The following MCTP1 variants were observed in gnomAD, a reference collection of about 807,000 sequenced individuals.
MCTP1 encodes multiple C2 and transmembrane domain containing 1, also known as multiple C2 and transmembrane domain-containing protein 1.
Under a neutral mutation model 120.6 loss-of-function variants are expected in MCTP1, and 69 were observed. The ratio of observed to expected loss-of-function variants is 0.57; its 90% CI spans 0.47 to 0.70. The LOEUF (loss-of-function observed/expected upper bound fraction) is 0.70. Among genes scored for constraint, MCTP1 ranks in the 30% least tolerant of loss-of-function variants. MCTP1 has a pLI of 0.00. For synonymous variants in MCTP1, 529 were observed against 493.1 expected (o/e 1.07, Z -0.96); for missense variants, 1,203 against 1,248.8 (o/e 0.96, Z 0.55).
In MCTP1 at chr5:95,024,296, T is replaced by A. The variant is rs1415013932; in HGVS notation, c.721-6812A>T. ...TTGTATAAAGAGTGAGATAAGAGTC[T>A]AAAAACGATATGGCATATCAATAAA... On this transcript the variant is annotated intron_variant, in intron 1 of 22. Coordinates refer to ENST00000515393, the MANE Select transcript of MCTP1 (RefSeq NM_024717.7). Among the ~76,000 whole-genome samples, 9 of 152,248 alleles carry A rather than the reference T, an allele frequency of 5.9e-5. No homozygotes were observed. The East Asian group carries it at 1.7e-3, about 29-fold the overall frequency.
intron 11 of MCTP1, among the ~76,000 whole-genome samples, 183 bp downstream of exon 11, chr5:94,894,466 A>C (rs1304663556): frequency 2.0e-5 from 3 of 152,234 alleles, no homozygotes; most frequent in Non-Finnish European, 4.4e-5. Flanking sequence ...GTCTCTAGAC[A>C]TGGGTGGGTA....
At chr5:94,987,730 A>C (rs1202123728) in intron 2 of MCTP1, among the ~76,000 whole-genome samples, 4 of 152,200 alleles carry the variant, frequency 2.6e-5, no homozygotes, top group African/African-American at 9.7e-5. Flanking sequence ...GTACATAGAA[A>C]ATAATATCTT....
At chr5:95,200,175 A>C (rs1355626349) in intron 1 of MCTP1, among the ~76,000 whole-genome samples, 2 of 151,246 alleles carry the variant, frequency 1.3e-5, no homozygotes. Flanking sequence ...AAAAAAAAAG[A>C]AAAAGAGAAA....
intron 19 of MCTP1, among the ~76,000 whole-genome samples, chr5:94,745,267 G>C (rs549481686): frequency 6.6e-6 from 1 of 152,272 alleles, no homozygotes; most frequent in South Asian, 2.1e-4. Context: ...TAATGTTCTG[G>C]GTGGAGATTC....
intron 1 of MCTP1, among the ~76,000 whole-genome samples, chr5:95,196,310 A>G (rs1750390779): frequency 6.6e-6 from 1 of 152,224 alleles, no homozygotes; most frequent in Admixed American, 6.5e-5. Flanking sequence ...GCATGCAGAT[A>G]TTAAAATTAA....
chr5:94,912,711 A>G (rs1809057152), intron 9 of MCTP1, 95 bp downstream of exon 9: 1 of 988,688 alleles, frequency 1.0e-6, no homozygotes. Flanking sequence ...TTAAGCATTT[A>G]AAACATTATC....
At chr5:95,006,001 C>G (rs1384815844) in intron 2 of MCTP1, among the ~76,000 whole-genome samples, 4 of 152,114 alleles carry the variant, frequency 2.6e-5, no homozygotes, top group Non-Finnish European at 5.9e-5. Flanking sequence ...CCCACTCTCA[C>G]AAAGACTGAG....
intron 1 of MCTP1, among the ~76,000 whole-genome samples, chr5:95,242,262 AAG>A (rs1300693766): frequency 1.3e-5 from 2 of 152,144 alleles, no homozygotes; most frequent in African/African-American, 4.8e-5. Context: ...GATTACTAAA[AAG>A]AGAGAAATAA....
chr5:94,782,871 A>G (rs982301984), intron 18 of MCTP1, among the ~76,000 whole-genome samples: 2 of 152,140 alleles, frequency 1.3e-5, no homozygotes, highest in Non-Finnish European at 2.9e-5. Context: ...GAAAAGATAC[A>G]TTTACGAAGT....
rs373952973 is a variant in MCTP1 at position 94,757,380 on chromosome 5, T to C, written c.2610+21730A>G. Among the ~76,000 whole-genome samples, 79 of 152,234 alleles carry C rather than the reference T, an allele frequency of 5.2e-4. 1 individual carries two copies. In the South Asian group the frequency reaches 0.016, roughly 31 times the overall value. On this transcript the variant is annotated intron_variant, in intron 19 of 22. Transcript: ENST00000515393. ...AGAGGAAGGTGCAAAGTAAGAAATA[T>C]CACAACAGCAAAGTCAATAGAATTT...
At chr5:94,895,910 A>C (rs2153406913) in intron 10 of MCTP1, among the ~76,000 whole-genome samples, 1 of 152,308 alleles carries the variant, frequency 6.6e-6, no homozygotes, top group African/African-American at 2.4e-5. Flanking sequence ...GTAAGAAAGG[A>C]AAACAATAAG....
chr5:95,232,563 G>T (rs760250286), intron 1 of MCTP1, among the ~76,000 whole-genome samples: 4 of 150,262 alleles, frequency 2.7e-5, no homozygotes, highest in Non-Finnish European at 4.4e-5. Flanking sequence ...GGTTCATGCC[G>T]TTCTCCTGCC....
At chr5:95,235,536 C>T (rs1220193837) in intron 1 of MCTP1, among the ~76,000 whole-genome samples, 1 of 151,580 alleles carries the variant, frequency 6.6e-6, no homozygotes, top group Non-Finnish European at 1.5e-5. Context: ...TTCTTTCTTT[C>T]CTTACTATGC....
At chr5:95,017,555 A>G in intron 1 of MCTP1, 71 bp from the exon 2 acceptor site, 2 of 733,222 alleles carry the variant, frequency 2.7e-6, no homozygotes, top group South Asian at 6.2e-5. Context: ...GGGGGACCAT[A>G]TATAGCTTAA....
chr5:95,275,546 CAT>C (rs1759761510), intron 1 of MCTP1, among the ~76,000 whole-genome samples: 2 of 152,188 alleles, frequency 1.3e-5, no homozygotes, highest in South Asian at 4.1e-4. Flanking sequence ...GTATGAGACA[CAT>C]ATGTAATTTT....
At chr5:94,707,728 A>C (rs559179557) in intron 22 of MCTP1, among the ~76,000 whole-genome samples, 161 bp from the exon 23 acceptor site, 2 of 152,100 alleles carry the variant, frequency 1.3e-5, no homozygotes, top group African/African-American at 4.8e-5. Flanking sequence ...AGAATGACAG[A>C]GCAAGAATAA....
intron 1 of MCTP1, among the ~76,000 whole-genome samples, chr5:95,051,697 T>C (rs766053754): frequency 1.3e-5 from 2 of 152,114 alleles, no homozygotes; most frequent in African/African-American, 2.4e-5. Flanking sequence ...AAAGTACAAA[T>C]TGAAAGAATG....
At chr5:94,869,138 A>C (rs973096981) in intron 16 of MCTP1, among the ~76,000 whole-genome samples, 38 of 152,118 alleles carry the variant, frequency 2.5e-4, no homozygotes, top group African/African-American at 8.9e-4. Flanking sequence ...TAGAAATTAA[A>C]ATTTAAAATT....
rs181193297 is a variant in MCTP1 at position 95,223,966 on chromosome 5, A to C, written c.720+59890T>G. Among the ~76,000 whole-genome samples, 79 of 152,360 alleles carry C rather than the reference A, an allele frequency of 5.2e-4. 1 individual carries two copies. The East Asian group carries it at 0.014, about 28-fold the overall frequency. On this transcript the variant is annotated intron_variant, in intron 1 of 22. Transcript: ENST00000515393. The stretch of plus-strand genomic sequence containing the variant: ...TTTTCTGTTTTTCTAGACTATTTTC[A>C]TAGTAAACAATGAGGCTATTTGAAA...
Sources: allele counts gnomAD v4.1 joint callset (sites outside exome capture counted in the v4.1 genomes callset), GRCh38; gene constraint gnomAD v4.1.1; transcripts MANE v1.5; gene names NCBI Gene and HGNC (gene_info 2026-07-23, HGNC 2026-07-21).